The following B3GAT3 variants were observed in gnomAD, a reference collection of about 807,000 sequenced individuals.
B3GAT3 encodes the protein beta-1,3-glucuronyltransferase 3, also known as galactosylgalactosylxylosylprotein 3-beta-glucuronosyltransferase 3.
In B3GAT3, 19 loss-of-function variants were observed where a neutral mutation model predicts 33.1. The ratio of observed to expected loss-of-function variants is 0.57; its 90% CI spans 0.40 to 0.84. The LOEUF (loss-of-function observed/expected upper bound fraction) is 0.84. B3GAT3 is among the 40% of genes least tolerant of loss of function. The pLI is 0.00. For missense variants in B3GAT3, 344 were observed against 441.5 expected (o/e 0.78, Z 1.98); for synonymous variants, 167 against 193.5 (o/e 0.86, Z 1.14).
At chr11:62,616,289 T>C (rs1232013113) in intron 4 of B3GAT3, 1 of 670,854 alleles carries the variant, frequency 1.5e-6, no homozygotes, top group Admixed American at 2.7e-5. Context: ...CTTCATCCTC[T>C]CTGTGCCACA....
chr11:62,617,748 A>G (rs1483881381), intron 2 of B3GAT3, among the ~76,000 whole-genome samples: 3 of 152,000 alleles, frequency 2.0e-5, no homozygotes, highest in Non-Finnish European at 4.4e-5. Flanking sequence ...GTAGTGGCAC[A>G]TGCCTGTAAT....
intron 4 of B3GAT3, 47 bp downstream of exon 4, chr11:62,616,459 C>G: frequency 6.2e-7 from 1 of 1,613,200 alleles, no homozygotes; most frequent in South Asian, 1.1e-5. Context: ...CCCCCATCAC[C>G]TGTCCATCCA....
chr11:62,621,776 G>A (rs1467265463), intron 1 of B3GAT3, 90 bp downstream of exon 1: 2 of 1,341,756 alleles, frequency 1.5e-6, no homozygotes, highest in Admixed American at 5.2e-5. Flanking sequence ...CGGATGAATG[G>A]TGTTTGCCGG....
In B3GAT3 at chr11:62,615,476, C is replaced by G. The variant is rs1419486501; in HGVS notation, c.*225G>C. On this transcript the variant is annotated 3_prime_UTR_variant, in exon 5 of 5. Coordinates refer to ENST00000265471, the MANE Select transcript of B3GAT3 (RefSeq NM_012200.4). ...TCTGTTCCACCCTAGACAGGGCCAACCTGACTCAACACAAGGGCTGCTTGT... is the reference window on the plus strand; with the variant it reads ...TCTGTTCCACCCTAGACAGGGCCAAGCTGACTCAACACAAGGGCTGCTTGT... 9 of 791,210 alleles carry G rather than the reference C, an allele frequency of 1.1e-5. No individual in the cohort carries two copies. The highest frequency in any genetic ancestry group is 8.6e-5 in the African/African-American group (5 of 57,932). The allele number at this position is 791,210 out of a possible 1,614,324, so 49.0% of individuals were successfully genotyped here.
At chr11:62,621,304 A>G (rs1349110701) in intron 1 of B3GAT3, 1 of 456,532 alleles carries the variant, frequency 2.2e-6, no homozygotes, top group Non-Finnish European at 4.4e-6. Flanking sequence ...CTAAGCAAAG[A>G]AACAAATTAA....
chr11:62,621,789 G>A (rs932995560), intron 1 of B3GAT3, 77 bp downstream of exon 1: 2 of 1,411,308 alleles, frequency 1.4e-6, no homozygotes, highest in Non-Finnish European at 1.9e-6. Flanking sequence ...TTTGCCGGGG[G>A]TTCATCCCCA....
At position 62,616,695 on chromosome 11, in the gene B3GAT3, G is replaced by A. The variant is rs1258609554; in HGVS notation, c.720C>T (p.His240=). ...AGGGCCTGCTGGGCTCCCATGCTGT[G>A]TGGAAGCCCACTACCCGGCCGTCCT... is the stretch of plus-strand genomic sequence containing the variant. ...QVQDGRVVGF[H]TAWEPSRPFP... Residue 240 remains histidine, a synonymous_variant, in exon 4 of 5, where the codon CAC becomes CAT. Coordinates refer to ENST00000265471, the MANE Select transcript of B3GAT3 (RefSeq NM_012200.4). 11 of 1,614,212 alleles carry A rather than the reference G, an allele frequency of 6.8e-6. No individual in the cohort carries two copies. Among genetic ancestry groups the A allele is most frequent in the African/African-American group, 1.3e-5 (1 of 75,064 alleles).
chr11:62,615,568 G>T lies in B3GAT3; in HGVS notation c.*133C>A, dbSNP rs1260349272. On this transcript the variant is annotated 3_prime_UTR_variant, in exon 5 of 5. Transcript: ENST00000265471. ...GGTGAAGCAGCAGGACCATGCCCTG[G>T]GCCTGGAGGGGCAGAGGGGCCACTT... 29 of 1,474,028 alleles carry T rather than the reference G, an allele frequency of 2.0e-5. No homozygotes were observed. Among genetic ancestry groups the T allele is most frequent in the Non-Finnish European group, 1.9e-5 (21 of 1,095,796 alleles). The allele number at this position is 1,474,028 out of a possible 1,614,324, so 91.3% of individuals were successfully genotyped here.
Position 62,616,060 on chromosome 11 carries a change from C to T in B3GAT3, c.910-261G>A, listed in dbSNP as rs572450667. On this transcript the variant is annotated intron_variant, in intron 4 of 4. Coordinates refer to ENST00000265471, the MANE Select transcript of B3GAT3 (RefSeq NM_012200.4). The stretch of plus-strand genomic sequence containing the variant: ...AGATTGAGACCATCCTGGCTAACAC[C>T]GTGAAACCCCGTCACTACTAAAAAC... 11 of 1,050,632 alleles carry T rather than the reference C, an allele frequency of 1.0e-5. No individual in the cohort carries two copies. In the East Asian group the frequency reaches 2.7e-4, roughly 26 times the overall value. The allele number at this position is 1,050,632 out of a possible 1,614,324, so 65.1% of individuals were successfully genotyped here.
chr11:62,615,872 G>A lies in B3GAT3; in HGVS notation c.910-73C>T. ...CCTCTGGGTCCCCGAGCCTGGAATG[G>A]ATTCTCTAACCCTATCGACATATAC... On this transcript the variant is annotated intron_variant, in intron 4 of 4. Coordinates refer to ENST00000265471, the MANE Select transcript of B3GAT3 (RefSeq NM_012200.4). 5 of 1,578,338 alleles carry A rather than the reference G, an allele frequency of 3.2e-6. No homozygotes were observed. In the South Asian group the frequency reaches 5.7e-5, roughly 18 times the overall value.
chr11:62,621,302 A>G, intron 1 of B3GAT3: 1 of 456,516 alleles, frequency 2.2e-6, no homozygotes, highest in Non-Finnish European at 4.4e-6. Flanking sequence ...CACTAAGCAA[A>G]GAAACAAATT....
rs529450409 is a variant in B3GAT3 at position 62,620,228 on chromosome 11, G to T, written c.257+269C>A. Among the ~76,000 whole-genome samples, 6 of 152,206 alleles carry T rather than the reference G, an allele frequency of 3.9e-5. No individual in the cohort carries two copies. The East Asian group carries it at 1.2e-3, about 30-fold the overall frequency. ...AGTAGAGACGGGGTTTTGCCATGTTGGCCAGGCTGGTCTCGAACTCCTGAC... is the reference window on the plus strand; with the variant it reads ...AGTAGAGACGGGGTTTTGCCATGTTTGCCAGGCTGGTCTCGAACTCCTGAC... On this transcript the variant is annotated intron_variant, in intron 2 of 4. Coordinates refer to ENST00000265471, the MANE Select transcript of B3GAT3 (RefSeq NM_012200.4).
At chr11:62,619,428 T>C (rs1943099504) in intron 2 of B3GAT3, among the ~76,000 whole-genome samples, 1 of 152,128 alleles carries the variant, frequency 6.6e-6, no homozygotes, top group Non-Finnish European at 1.5e-5. Context: ...ACATTTGATT[T>C]AAAACAAAAG....
At chr11:62,616,057 C>T in intron 4 of B3GAT3, 1 of 1,096,330 alleles carries the variant, frequency 9.1e-7, no homozygotes, top group Non-Finnish European at 1.2e-6. Context: ...TCCTGGCTAA[C>T]ACCGTGAAAC....
chr11:62,621,966 G>T lies in B3GAT3; in HGVS notation c.-19C>A, dbSNP rs1169261512. ...GCTTCATGGCCGCGCCGCCGCCCGC[G>T]CCCGAGCAGGCGGGGTCTGCAGGGG... On this transcript the variant is annotated 5_prime_UTR_variant, in exon 1 of 5. Transcript: ENST00000265471. The T allele has an allele frequency of 1.9e-6, 3 of 1,612,326 alleles. No homozygotes were observed. Among genetic ancestry groups the T allele is most frequent in the Non-Finnish European group, 8.5e-7 (1 of 1,179,112 alleles).
intron 4 of B3GAT3, 87 bp downstream of exon 4, chr11:62,616,419 A>G: frequency 6.3e-7 from 1 of 1,575,206 alleles, no homozygotes; most frequent in South Asian, 1.1e-5. Flanking sequence ...TCCTGGTTAA[A>G]CCACCCATTC....
chr11:62,617,557 A>T (rs1347940607), intron 2 of B3GAT3: 1 of 668,088 alleles, frequency 1.5e-6, no homozygotes, highest in Admixed American at 2.4e-5. Flanking sequence ...CCTCAACTCC[A>T]GAGCTCAGGC....
At chr11:62,619,433 CA>C in intron 2 of B3GAT3, among the ~76,000 whole-genome samples, 1 of 152,048 alleles carries the variant, frequency 6.6e-6, no homozygotes, top group Non-Finnish European at 1.5e-5. Flanking sequence ...TGATTTAAAA[CA>C]AAAGCAAATG....
At chr11:62,620,198 T>C (rs985745427) in intron 2 of B3GAT3, among the ~76,000 whole-genome samples, 5 of 152,088 alleles carry the variant, frequency 3.3e-5, no homozygotes, top group Admixed American at 3.3e-4. Flanking sequence ...TAATTTTGTA[T>C]TTTTAGTAGA....
Sources: gnomAD v4.1 joint callset for allele counts (sites outside exome capture counted in the v4.1 genomes callset) on GRCh38, gnomAD v4.1.1 for gene constraint, MANE v1.5 for transcripts, NCBI Gene and HGNC (gene_info 2026-07-23, HGNC 2026-07-21) for gene names.